Variants in SEMA3E observed in about 807,000 individuals in gnomAD.
The protein encoded by SEMA3E is semaphorin-3E.
In SEMA3E, 49 loss-of-function variants were observed where a neutral mutation model predicts 93.6. The ratio of observed to expected loss-of-function variants is 0.52; its 90% CI spans 0.42 to 0.66. SEMA3E has a LOEUF of 0.66. SEMA3E is among the 30% of genes least tolerant of loss of function. The probability of loss-of-function intolerance (pLI) is 0.00; values close to 1 mark genes in which losing one functional copy is unlikely to be tolerated. For missense variants in SEMA3E, 906 were observed against 964.8 expected, an observed-to-expected ratio of 0.94 and a Z score of 0.81; for synonymous variants, 363 against 330.7, an observed-to-expected ratio of 1.10 and a Z score of -1.06.
At chr7:83,465,184 C>A (rs1346060603) in intron 4 of SEMA3E, among the ~76,000 whole-genome samples, 1 of 152,014 alleles carries the variant, frequency 6.6e-6, no homozygotes, top group South Asian at 2.1e-4. Flanking sequence ...CCTTGCGACC[C>A]CCACTCCTGC....
intron 4 of SEMA3E, among the ~76,000 whole-genome samples, chr7:83,431,167 A>G (rs966070903): frequency 2.6e-5 from 4 of 151,302 alleles, no homozygotes; most frequent in Non-Finnish European, 4.4e-5. Flanking sequence ...TTTTTCTTCA[A>G]TATATTAACT....
Position 83,648,669 on chromosome 7 carries a change from A to G in SEMA3E, c.-127T>C. ...GAAATCGAACGCGTTGTCATCAGAA[A>G]GCACAGTTCCGAAGTGCCATTTGTC... On this transcript the variant is annotated 5_prime_UTR_variant, in exon 1 of 17. Transcript: ENST00000643230. 1.3e-6 allele frequency: 1 copy of G among 745,872 alleles called. No homozygotes were observed. The highest frequency in any genetic ancestry group is 2.4e-6 in the Non-Finnish European group (1 of 413,814). 46.2% of individuals were successfully genotyped at this position (745,872 alleles called of 1,614,324 possible).
intron 4 of SEMA3E, among the ~76,000 whole-genome samples, chr7:83,429,377 A>G (rs1020225454): frequency 6.6e-6 from 1 of 152,148 alleles, no homozygotes; most frequent in African/African-American, 2.4e-5. Flanking sequence ...ACCTAACTTT[A>G]TGCCAATATT....
intron 4 of SEMA3E, among the ~76,000 whole-genome samples, chr7:83,443,245 A>G (rs1431825237): frequency 1.3e-5 from 2 of 152,202 alleles, no homozygotes; most frequent in Non-Finnish European, 2.9e-5. Context: ...GGACAAAACC[A>G]AAAGTAGGAC....
At position 83,645,960 on chromosome 7, in the gene SEMA3E, G is replaced by A. The variant is rs530577627; in HGVS notation, c.115+2468C>T. Among the ~76,000 whole-genome samples, 16 of 152,064 alleles carry A rather than the reference G, an allele frequency of 1.1e-4. No homozygotes were observed. In the East Asian group the frequency reaches 3.1e-3, roughly 29 times the overall value. ...CTCCTTGGGAAGAAACAATAGGCTTGTGTTTTCATCTTAAAAGTGAAGAAT... is the reference window on the plus strand; with the variant it reads ...CTCCTTGGGAAGAAACAATAGGCTTATGTTTTCATCTTAAAAGTGAAGAAT... On this transcript the variant is annotated intron_variant, in intron 1 of 16. Transcript: ENST00000643230.
intron 2 of SEMA3E, among the ~76,000 whole-genome samples, chr7:83,474,418 C>G (rs940554481): frequency 6.6e-6 from 1 of 152,142 alleles, no homozygotes; most frequent in Non-Finnish European, 1.5e-5. Flanking sequence ...GAGCCCCAAG[C>G]AGTTTTTTAC....
chr7:83,448,888 G>A (rs891757215), intron 4 of SEMA3E, among the ~76,000 whole-genome samples: 1 of 152,050 alleles, frequency 6.6e-6, no homozygotes, highest in Admixed American at 6.6e-5. Context: ...ATTTTTCTTT[G>A]TAATTGACTT....
chr7:83,401,428 T>C (rs375311938), intron 10 of SEMA3E, among the ~76,000 whole-genome samples: 10 of 152,128 alleles, frequency 6.6e-5, no homozygotes, highest in African/African-American at 7.2e-5. Flanking sequence ...TTCACTTGAG[T>C]GTACTTTCAT....
intron 1 of SEMA3E, among the ~76,000 whole-genome samples, chr7:83,585,094 G>A (rs992052412): frequency 6.6e-6 from 1 of 152,060 alleles, no homozygotes; most frequent in African/African-American, 2.4e-5. Flanking sequence ...TTATTTGCAT[G>A]TGCTGTTCCC....
rs201957356 is a variant in SEMA3E at position 83,469,206 on chromosome 7, T to C, written c.336+37A>G. ...TCTTTGTGGTTAACTAGGGATATAA[T>C]TGATGATTTGTTTAATTTACAATGA... On this transcript the variant is annotated intron_variant, in intron 3 of 16. Coordinates refer to ENST00000643230, the MANE Select transcript of SEMA3E (RefSeq NM_012431.3). The C allele has an allele frequency of 1.8e-4, 270 of 1,495,472 alleles. 2 individuals are homozygous for C. The Admixed American group carries it at 4.1e-3, about 23-fold the overall frequency. The allele number at this position is 1,495,472 out of a possible 1,614,324, so 92.6% of individuals were successfully genotyped here.
At chr7:83,420,312 A>G (rs1188072544) in intron 4 of SEMA3E, among the ~76,000 whole-genome samples, 2 of 152,100 alleles carry the variant, frequency 1.3e-5, no homozygotes, top group Non-Finnish European at 2.9e-5. Context: ...AGATGATACA[A>G]ACAAATGGAA....
chr7:83,496,261 T>A (rs967567792), intron 1 of SEMA3E, among the ~76,000 whole-genome samples: 3 of 152,002 alleles, frequency 2.0e-5, no homozygotes, highest in African/African-American at 7.2e-5. Flanking sequence ...AATATTATTT[T>A]AAAAATACCC....
chr7:83,578,944 G>GT, intron 1 of SEMA3E, among the ~76,000 whole-genome samples: 1 of 152,076 alleles, frequency 6.6e-6, no homozygotes, highest in Non-Finnish European at 1.5e-5. Flanking sequence ...TCTGGAATCA[G>GT]TTAGTACCAT....
rs1792442228 is a variant in SEMA3E at position 83,577,938 on chromosome 7, CT to C, written c.115+70489del. On this transcript the variant is annotated intron_variant, in intron 1 of 16. Coordinates refer to ENST00000643230, the MANE Select transcript of SEMA3E (RefSeq NM_012431.3). ...ATTTTATCTTGACTTTGATATGACT[CT>C]TTTTTACCTTTAAATAAAGTCATCT... Among the ~76,000 whole-genome samples the C allele has an allele frequency of 2.6e-5, 4 of 151,860 alleles. No homozygotes were observed. The South Asian group carries it at 8.3e-4, about 32-fold the overall frequency.
chr7:83,368,552 C>T (rs933373750), intron 16 of SEMA3E, among the ~76,000 whole-genome samples: 1 of 152,006 alleles, frequency 6.6e-6, no homozygotes, highest in Non-Finnish European at 1.5e-5. Flanking sequence ...TTCACTTTGT[C>T]GTCTTACAAA....
chr7:83,581,326 G>A (rs114851538), intron 1 of SEMA3E, among the ~76,000 whole-genome samples: 4,219 of 151,934 alleles, frequency 0.028, 188 homozygotes, highest in African/African-American at 0.096. Context: ...TCGCTGCACT[G>A]CCCATAGTAA....
chr7:83,620,621 C>A (rs1047844606), intron 1 of SEMA3E, among the ~76,000 whole-genome samples: 4 of 152,084 alleles, frequency 2.6e-5, no homozygotes, highest in African/African-American at 9.7e-5. Context: ...AAACTGAATC[C>A]AGCAGTCCAT....
chr7:83,388,275 C>T lies in SEMA3E; in HGVS notation c.1668-1225G>A, dbSNP rs1787924693. ...AGTGAGCCAAGATTGCACCACTGCA[C>T]TCCAGCCTGGCAATGAAATGATACC... On this transcript the variant is annotated intron_variant, in intron 14 of 16. Transcript: ENST00000643230. 8.1e-5 allele frequency among the ~76,000 whole-genome samples: 12 copies of T among 147,698 alleles called. No individual in the cohort carries two copies. In the Admixed American group the frequency reaches 8.2e-4, roughly 10 times the overall value.
chr7:83,466,558 C>T lies in SEMA3E; in HGVS notation c.380G>A (p.Arg127Lys). 6.2e-7 allele frequency: 1 copy of T among 1,613,900 alleles called. No homozygotes were observed. The highest frequency in any genetic ancestry group is 8.5e-7 in the Non-Finnish European group (1 of 1,179,990). The change falls in exon 4 of 17, where the codon AGG (arginine) becomes AAG (lysine). Residue 127 changes from arginine to lysine, a missense_variant. By Grantham distance (26) the Arg-to-Lys change is conservative. Transcript: ENST00000643230. ...NYVRVLHHYN[R>K]THLLTCGTGA... Reference sequence around the variant, plus strand: ...AGTACCACAGGTCAGAAGGTGTGTCCTGTTATAGTGATGCAAAACCCGAAC... The same window carrying T: ...AGTACCACAGGTCAGAAGGTGTGTCTTGTTATAGTGATGCAAAACCCGAAC...
Sources: allele counts gnomAD v4.1 joint callset (sites outside exome capture counted in the v4.1 genomes callset), GRCh38; gene constraint gnomAD v4.1.1; transcripts MANE v1.5; gene names NCBI Gene and HGNC (gene_info 2026-07-23, HGNC 2026-07-21).